NRTN: variants seen among roughly 807,000 people sequenced by gnomAD.
NRTN encodes prepro-neurturin.
A neutral mutation model predicts 7.5 loss-of-function variants in NRTN; 3 were observed. That is an observed-to-expected ratio of 0.40 (90% CI 0.18 to 1.03). The LOEUF (loss-of-function observed/expected upper bound fraction) is 1.03. Ranked by LOEUF, NRTN falls within the 50% of genes least tolerant of loss-of-function variation. The probability of loss-of-function intolerance (pLI) is 0.34; values close to 1 mark genes in which losing one functional copy is unlikely to be tolerated. For missense variants in NRTN, 310 were observed against 307.0 expected (o/e 1.01, Z -0.07); for synonymous variants, 157 against 146.6 (o/e 1.07, Z -0.51).
rs562636643 is a variant in NRTN, at chr19:5,805,342, C to G, written c.-508C>G. Among the ~76,000 whole-genome samples the G allele has an allele frequency of 7.3e-6, 1 of 136,554 alleles. No homozygotes were observed. Among genetic ancestry groups the G allele is most frequent in the African/African-American group, 3.1e-5 (1 of 32,172 alleles). 89.6% of individuals were successfully genotyped at this position (136,554 alleles called of 152,430 possible). A position where few individuals can be genotyped will look rare whatever the true frequency, so the allele number is the denominator to read the frequency against. ...CCGCGGCCGCCCCCTCCGGCCCGGG[C>G]CCCCCCCGGGCACCGCGGGCCCAGG... On this transcript the variant is annotated 5_prime_UTR_variant, in exon 1 of 3. Transcript: ENST00000303212.
intron 1 of NRTN, among the ~76,000 whole-genome samples, chr19:5,820,289 G>T (rs944329980): frequency 8.9e-6 from 1 of 111,996 alleles, no homozygotes; most frequent in Non-Finnish European, 1.8e-5. Flanking sequence ...AAAAATTGCC[G>T]GGCACGGTGG....
rs1293929412 is a variant in NRTN at position 5,805,201 on chromosome 19, C to T, written c.-649C>T. 2.7e-5 allele frequency among the ~76,000 whole-genome samples: 4 copies of T among 146,530 alleles called. No homozygotes were observed. Among genetic ancestry groups the T allele is most frequent in the African/African-American group, 9.8e-5 (4 of 40,974 alleles). The stretch of plus-strand genomic sequence containing the variant: ...CCCCCGCGCCCCGCGCCCTCTGAGC[C>T]GCCGGCCGTCCAGGGCACCCACCCC... On this transcript the variant is annotated 5_prime_UTR_variant, in exon 1 of 3. Coordinates refer to ENST00000303212, the MANE Select transcript of NRTN (RefSeq NM_004558.5).
intron 1 of NRTN, among the ~76,000 whole-genome samples, chr19:5,823,517 G>A (rs1201672114): frequency 6.6e-6 from 1 of 152,204 alleles, no homozygotes; most frequent in East Asian, 1.9e-4. Flanking sequence ...AAAGCCCAGA[G>A]CTGGGACTCC....
chr19:5,808,316 G>T (rs1599633168), intron 1 of NRTN, among the ~76,000 whole-genome samples: 1 of 152,214 alleles, frequency 6.6e-6, no homozygotes, highest in Admixed American at 6.5e-5. Context: ...GCCTCATTAG[G>T]CTGATCCTGT....
chr19:5,811,873 A>T (rs2056991654), intron 1 of NRTN, among the ~76,000 whole-genome samples: 1 of 137,862 alleles, frequency 7.3e-6, no homozygotes, highest in Admixed American at 7.3e-5. Context: ...TTATTATTTT[A>T]TTTATTTATT....
At chr19:5,817,839 A>G (rs1043699019) in intron 1 of NRTN, among the ~76,000 whole-genome samples, 24 of 152,114 alleles carry the variant, frequency 1.6e-4, no homozygotes, top group African/African-American at 5.6e-4. Flanking sequence ...TTGCTCTGTC[A>G]CCAAGGCTGG....
At chr19:5,805,757 G>A (rs577223989) in intron 1 of NRTN, among the ~76,000 whole-genome samples, 3 of 152,192 alleles carry the variant, frequency 2.0e-5, no homozygotes, top group African/African-American at 7.2e-5. Flanking sequence ...TCTGAGGAAC[G>A]CACGGTGCCC....
At chr19:5,807,657 C>T (rs751659532) in intron 1 of NRTN, among the ~76,000 whole-genome samples, 10 of 152,272 alleles carry the variant, frequency 6.6e-5, no homozygotes, top group Non-Finnish European at 1.2e-4. Context: ...AGAAATCAGA[C>T]AGCAGGCCCA....
intron 1 of NRTN, among the ~76,000 whole-genome samples, chr19:5,813,837 C>G (rs1368901188): frequency 6.6e-6 from 1 of 151,344 alleles, no homozygotes; most frequent in Non-Finnish European, 1.5e-5. Context: ...GAGACTCTGT[C>G]TCAAAAGACA....
At chr19:5,827,096 C>T (rs909084557) in intron 2 of NRTN, among the ~76,000 whole-genome samples, 4 of 152,098 alleles carry the variant, frequency 2.6e-5, no homozygotes, top group African/African-American at 9.7e-5. Context: ...ACCCAAACAC[C>T]CCGATTCATT....
At chr19:5,820,676 C>T (rs2057021068) in intron 1 of NRTN, among the ~76,000 whole-genome samples, 2 of 135,782 alleles carry the variant, frequency 1.5e-5, no homozygotes, top group African/African-American at 5.7e-5. Flanking sequence ...TTACAGTGAG[C>T]CGAGATCGCA....
chr19:5,817,795 A>C (rs2057010647), intron 1 of NRTN, among the ~76,000 whole-genome samples: 1 of 151,870 alleles, frequency 6.6e-6, no homozygotes, highest in South Asian at 2.1e-4. Flanking sequence ...TGAATGTGGG[A>C]GTGTTTTGTT....
chr19:5,824,411 TGG>T (rs552271819), intron 2 of NRTN, 77 bp downstream of exon 2: 2 of 1,073,818 alleles, frequency 1.9e-6, no homozygotes, highest in Non-Finnish European at 2.3e-6. Context: ...TGGGAGGTGG[TGG>T]GGGGGTGTCA....
intron 2 of NRTN, 127 bp from the exon 3 acceptor site, chr19:5,827,622 C>T (rs2057051503): frequency 3.0e-6 from 1 of 332,288 alleles, no homozygotes; most frequent in Non-Finnish European, 4.6e-6. Flanking sequence ...GGGAGTGAGA[C>T]GAGAAGCCGT....
At position 5,810,764 on chromosome 19, in the gene NRTN, A is replaced by G. The variant is rs531190800; in HGVS notation, c.-399+5313A>G. Among the ~76,000 whole-genome samples the G allele has an allele frequency of 5.3e-5, 8 of 151,822 alleles. 1 individual carries two copies. The South Asian group carries it at 1.7e-3, about 32-fold the overall frequency. On this transcript the variant is annotated intron_variant, in intron 1 of 2. Coordinates refer to ENST00000303212, the MANE Select transcript of NRTN (RefSeq NM_004558.5). The stretch of plus-strand genomic sequence containing the variant: ...GCCAACATGGTGAAACCCCATCTCT[A>G]CTAAAAATACAAAAATTAGCTGGAC...
intron 1 of NRTN, among the ~76,000 whole-genome samples, chr19:5,823,046 AG>A (rs2057031227): frequency 2.7e-5 from 4 of 145,866 alleles, no homozygotes; most frequent in Non-Finnish European, 6.0e-5. Context: ...AGAGAGAGAG[AG>A]AAAGAAAGAA....
chr19:5,806,717 G>A lies in NRTN; in HGVS notation c.-399+1266G>A, dbSNP rs1198863274. 2.0e-5 allele frequency among the ~76,000 whole-genome samples: 3 copies of A among 152,162 alleles called. No homozygotes were observed. The highest frequency in any genetic ancestry group is 4.4e-5 in the Non-Finnish European group (3 of 68,030). On this transcript the variant is annotated intron_variant, in intron 1 of 2. Transcript: ENST00000303212. This position sits in a 1 kb window ranked among gnomAD's most constrained non-coding sequence, Gnocchi z 5.4. The stretch of plus-strand genomic sequence containing the variant: ...GCTACAGAAAGCTTCTTCCAGGGGT[G>A]CAGGGAAGAAAATAAAACATTCCCC...
intron 1 of NRTN, among the ~76,000 whole-genome samples, chr19:5,820,738 G>GAAAAAAAAAA (rs869276836): frequency 5.1e-5 from 2 of 39,080 alleles, no homozygotes; most frequent in Non-Finnish European, 1.1e-4. Flanking sequence ...TCTGTCTCAA[G>GAAAAAAAAAA]AAAAAAAAAA....
rs2144753239 is a variant in NRTN, at chr19:5,805,272, A to G, written c.-578A>G. ...CCGGGATGGCCGCAGCCCGCGGCTA[A>G]GCGAGCCCGGGGGGCCCCATGGGCC... On this transcript the variant is annotated 5_prime_UTR_variant, in exon 1 of 3. An upstream open reading frame in the 5' UTR loses its in-frame stop. Coordinates refer to ENST00000303212, the MANE Select transcript of NRTN (RefSeq NM_004558.5). 3.1e-5 allele frequency among the ~76,000 whole-genome samples: 1 copy of G among 32,704 alleles called. No individual in the cohort carries two copies. Among genetic ancestry groups the G allele is most frequent in the South Asian group, 1.3e-3 (1 of 772 alleles). 21.5% of individuals were successfully genotyped at this position (32,704 alleles called of 152,430 possible). A position where few individuals can be genotyped will look rare whatever the true frequency, so the allele number is the denominator to read the frequency against.
Sources: allele counts gnomAD v4.1 joint callset (sites outside exome capture counted in the v4.1 genomes callset), GRCh38; gene constraint gnomAD v4.1.1; non-coding constraint Gnocchi (gnomAD v3.1); transcripts MANE v1.5; gene names NCBI Gene and HGNC (gene_info 2026-07-23, HGNC 2026-07-21).